Variants in SESTD1 observed in about 807,000 individuals in gnomAD.
SESTD1 encodes SEC14 and spectrin domain containing 1.
A neutral mutation model predicts 101.7 loss-of-function variants in SESTD1; 43 were observed. That is an observed-to-expected ratio of 0.42 (90% confidence interval 0.33 to 0.55). SESTD1 has a LOEUF of 0.55. Among genes scored for constraint, SESTD1 ranks in the 20% least tolerant of loss-of-function variants. The pLI is 0.07. For synonymous variants in SESTD1, 283 were observed against 286.8 expected (o/e 0.99, Z 0.13); for missense variants, 647 against 815.1 (o/e 0.79, Z 2.51).
intron 3 of SESTD1, among the ~76,000 whole-genome samples, chr2:179,182,259 AAC>A (rs200342356): frequency 0.021 from 3,194 of 149,898 alleles, 102 homozygotes; most frequent in African/African-American, 0.07. Flanking sequence ...TACACACACA[AAC>A]ACACACACAC....
At chr2:179,196,793 C>A (rs1312430985) in intron 1 of SESTD1, among the ~76,000 whole-genome samples, 1 of 152,112 alleles carries the variant, frequency 6.6e-6, no homozygotes, top group Non-Finnish European at 1.5e-5. Context: ...ACATCCACAC[C>A]AAAAACCCAT....
chr2:179,256,998 C>T (rs2105560023), intron 1 of SESTD1, among the ~76,000 whole-genome samples: 1 of 152,192 alleles, frequency 6.6e-6, no homozygotes, highest in South Asian at 2.1e-4. Context: ...AGAGGACTGA[C>T]TCAAATTGTG....
In SESTD1 at chr2:179,171,101, T is replaced by A. The variant is rs898865235; in HGVS notation, c.369+1019A>T. ...AATGGAGAAGTTAACTATAGGAGCA[T>A]ATAGGGGAATTCTGGGGGTGAGGAG... is the stretch of plus-strand genomic sequence containing the variant. On this transcript the variant is annotated intron_variant, in intron 5 of 17. Coordinates refer to ENST00000428443, the MANE Select transcript of SESTD1 (RefSeq NM_178123.5). 2.8e-4 allele frequency among the ~76,000 whole-genome samples: 43 copies of A among 152,222 alleles called. 3 individuals carry two copies. Among genetic ancestry groups the A allele is most frequent in the Middle Eastern group, 3.4e-3 (1 of 294 alleles).
At chr2:179,236,736 A>G (rs1470377694) in intron 1 of SESTD1, among the ~76,000 whole-genome samples, 1 of 149,610 alleles carries the variant, frequency 6.7e-6, no homozygotes, top group East Asian at 1.9e-4. Context: ...TGTTTGAAAA[A>G]AAATCTGATG....
intron 4 of SESTD1, chr2:179,174,399 GTTC>G (rs1021401253): frequency 1.1e-5 from 5 of 461,480 alleles, no homozygotes; most frequent in Non-Finnish European, 2.2e-5. Context: ...TCCATTGATT[GTTC>G]TTCAAAACTG....
intron 16 of SESTD1, among the ~76,000 whole-genome samples, chr2:179,113,545 T>G (rs2044558682): frequency 6.6e-6 from 1 of 152,182 alleles, no homozygotes; most frequent in Non-Finnish European, 1.5e-5. Context: ...AAGTATTCAT[T>G]TTTACAACTT....
intron 1 of SESTD1, among the ~76,000 whole-genome samples, chr2:179,227,857 G>A (rs868243594): frequency 7.2e-5 from 11 of 152,092 alleles, no homozygotes; most frequent in African/African-American, 2.7e-4. Context: ...GAACTCTGCC[G>A]CTTATTAGGT....
At chr2:179,261,086 G>A (rs931118052) in intron 1 of SESTD1, among the ~76,000 whole-genome samples, 2 of 152,138 alleles carry the variant, frequency 1.3e-5, no homozygotes, top group African/African-American at 2.4e-5. Context: ...TTCTAGGATC[G>A]GCTATGCTAT....
chr2:179,155,942 T>C (rs2045620834), intron 5 of SESTD1, among the ~76,000 whole-genome samples: 1 of 152,134 alleles, frequency 6.6e-6, no homozygotes, highest in Non-Finnish European at 1.5e-5. Context: ...TCTTATGCCT[T>C]TGTGTCCTCA....
intron 3 of SESTD1, 102 bp from the exon 4 acceptor site, chr2:179,176,640 A>T: frequency 1.3e-6 from 1 of 774,572 alleles, no homozygotes; most frequent in Non-Finnish European, 2.0e-6. Flanking sequence ...TATGGAGTAG[A>T]ATTAATCTCA....
At position 179,123,824 on chromosome 2, in the gene SESTD1, A is replaced by C; in HGVS notation, c.1173T>G (p.Ser391=). 1 of 1,612,096 alleles carries C rather than the reference A, an allele frequency of 6.2e-7. No homozygotes were observed. Among genetic ancestry groups the C allele is most frequent in the Non-Finnish European group, 8.5e-7 (1 of 1,178,292 alleles). Residue 391 remains serine (S), a synonymous_variant, in exon 12 of 18, where the codon TCT becomes TCG. Transcript: ENST00000428443. ...TCCCTAATAAGCCATCCAACTGCTGAGACAACTAAAGCAGAGGGACACCAA... is the reference window on the plus strand; with the variant it reads ...TCCCTAATAAGCCATCCAACTGCTGCGACAACTAAAGCAGAGGGACACCAA... ...LEFHGVAQDL[S]QQLDGLLGML... is the part of the protein sequence containing the mutation.
In SESTD1 at chr2:179,102,733, T is replaced by C. The variant is rs2044298254; in HGVS notation, c.*7166A>G. 1.3e-5 allele frequency: 2 copies of C among 151,958 alleles called. No individual in the cohort carries two copies. The allele number at this position is 151,958 out of a possible 1,614,324, so 9.4% of individuals were successfully genotyped here. Reference sequence around the variant, plus strand: ...TATGTAATAGAACAGCTGGGAGAGGTAAAAGAGTGGATAAGAGAGTCATCA... The same window carrying C: ...TATGTAATAGAACAGCTGGGAGAGGCAAAAGAGTGGATAAGAGAGTCATCA... On this transcript the variant is annotated 3_prime_UTR_variant, in exon 18 of 18. Coordinates refer to ENST00000428443, the MANE Select transcript of SESTD1 (RefSeq NM_178123.5).
intron 1 of SESTD1, among the ~76,000 whole-genome samples, chr2:179,240,617 C>G (rs1016162982): frequency 6.6e-6 from 1 of 152,024 alleles, no homozygotes; most frequent in African/African-American, 2.4e-5. Context: ...AAGGAGCAGT[C>G]CAGCAAGAAA....
chr2:179,255,217 A>T (rs192201471), intron 1 of SESTD1, among the ~76,000 whole-genome samples: 259 of 152,312 alleles, frequency 1.7e-3, no homozygotes, highest in South Asian at 0.016. Flanking sequence ...TGAAAGGAGG[A>T]GTCACATTTC....
Position 179,124,497 on chromosome 2 carries a change from T to C in SESTD1, c.1034A>G (p.Asp345Gly). Reference sequence around the variant, plus strand: ...CTTTAGTTCCACAAGATCTTCCTCATCGCCAGCATTCAAGAGTGCTGCAAT... The same window carrying C: ...CTTTAGTTCCACAAGATCTTCCTCACCGCCAGCATTCAAGAGTGCTGCAAT... ...QQIAALLNAGDEEDLVELKSL... is the reference protein window; with the variant it reads ...QQIAALLNAGGEEDLVELKSL... Residue 345 changes from aspartate (D) to glycine (G), a missense_variant, in exon 11 of 18, where the codon GAT (aspartate) becomes GGT (glycine). By Grantham distance (94) the Asp-to-Gly change is moderately conservative. Around this residue, in one of 3 missense-constraint regions of SESTD1, gnomAD observed 476 missense variants for 562.6 expected, o/e 0.85. Transcript: ENST00000428443. 1 of 1,614,090 alleles carries C rather than the reference T, an allele frequency of 6.2e-7. No homozygotes were observed. The highest frequency in any genetic ancestry group is 8.5e-7 in the Non-Finnish European group (1 of 1,179,992).
chr2:179,176,119 A>C (rs1264561353), intron 4 of SESTD1, among the ~76,000 whole-genome samples: 2 of 152,188 alleles, frequency 1.3e-5, no homozygotes, highest in East Asian at 3.8e-4. Flanking sequence ...TGATACAGAC[A>C]CCAGAGCATG....
At chr2:179,241,681 G>A (rs960327169) in intron 1 of SESTD1, among the ~76,000 whole-genome samples, 6 of 152,148 alleles carry the variant, frequency 3.9e-5, no homozygotes, top group Non-Finnish European at 8.8e-5. Flanking sequence ...CCAGCACTTT[G>A]GGAGGCCAAG....
intron 1 of SESTD1, among the ~76,000 whole-genome samples, chr2:179,250,096 G>A (rs1023300633): frequency 2.0e-5 from 3 of 152,038 alleles, no homozygotes; most frequent in African/African-American, 7.2e-5. Context: ...GCTACAGAGT[G>A]GAATAAATTA....
chr2:179,253,263 C>T (rs1407273075), intron 1 of SESTD1, among the ~76,000 whole-genome samples: 1 of 152,090 alleles, frequency 6.6e-6, no homozygotes, highest in African/African-American at 2.4e-5. Flanking sequence ...GAGAAACTGT[C>T]AGAGGAGACT....
Sources: gnomAD v4.1 joint callset for allele counts (sites outside exome capture counted in the v4.1 genomes callset) on GRCh38, gnomAD v4.1.1 for gene constraint, gnomAD v4.1.1 regional missense constraint, MANE v1.5 for transcripts, NCBI Gene and HGNC (gene_info 2026-07-23, HGNC 2026-07-21) for gene names.